The following FBXO10 variants were observed in gnomAD, a reference collection of about 807,000 sequenced individuals.
FBXO10 encodes the protein F-box only protein 10.
A neutral mutation model predicts 80.7 loss-of-function variants in FBXO10; 39 were observed. That is an observed-to-expected ratio of 0.48 (90% confidence interval 0.37 to 0.63). FBXO10 has a LOEUF of 0.63. Among genes scored for constraint, FBXO10 ranks in the 30% least tolerant of loss-of-function variants. The pLI is 0.00. For missense variants in FBXO10, 1,025 were observed against 1,269.0 expected (o/e 0.81, Z 2.92); for synonymous variants, 449 against 489.6 (o/e 0.92, Z 1.09).
At chr9:37,564,463 T>A (rs150040452) in intron 1 of FBXO10, among the ~76,000 whole-genome samples, 2,205 of 152,134 alleles carry the variant, frequency 0.014, 61 homozygotes, top group African/African-American at 0.05. Flanking sequence ...AGAGCTTGCA[T>A]CATGTGCCTG....
In FBXO10 at chr9:37,541,436, A is replaced by C. The variant is rs112964036; in HGVS notation, c.333T>G (p.Ser111Arg). The C allele has an allele frequency of 1.0e-3, 1,611 of 1,613,914 alleles. 12 individuals are homozygous for C. The highest frequency in any genetic ancestry group is 4.5e-3 in the South Asian group (408 of 91,078). The change falls in exon 2 of 11, where the codon AGT becomes AGG. Residue 111 changes from serine (S) to arginine (R), a missense_variant. Ser to Arg is a moderately radical substitution (Grantham distance 110). Around this residue, in one of 3 missense-constraint regions of FBXO10, gnomAD observed 450 missense variants for 499.4 expected, o/e 0.90. Transcript: ENST00000432825. The part of the protein sequence containing the change: ...FRRRRERRTL[S>R]VGPGREFDSL... ...TGTCAAACTCACGGCCTGGCCCAAC[A>C]CTCAGGGTACGTCGTTCCCTCCTCC... is the stretch of plus-strand genomic sequence containing the variant.
intron 7 of FBXO10, 131 bp from the exon 8 acceptor site, chr9:37,521,969 C>T: frequency 1.0e-6 from 1 of 962,766 alleles, no homozygotes; most frequent in Non-Finnish European, 1.5e-6. Flanking sequence ...CTCGGACAAG[C>T]CACCTGATGG....
chr9:37,520,108 T>G (rs975890134), intron 8 of FBXO10, among the ~76,000 whole-genome samples: 1 of 150,498 alleles, frequency 6.6e-6, no homozygotes, highest in Non-Finnish European at 1.5e-5. Context: ...GTGTTAGGGT[T>G]ACAGGTGTGA....
intron 1 of FBXO10, among the ~76,000 whole-genome samples, chr9:37,568,751 G>A (rs532899135): frequency 7.9e-5 from 12 of 152,172 alleles, no homozygotes; most frequent in East Asian, 5.8e-4. Flanking sequence ...GTCTAAGGTC[G>A]GAGTTCATGT....
chr9:37,552,691 C>CAAAAAAAA (rs779389401), intron 1 of FBXO10, among the ~76,000 whole-genome samples: 2 of 95,308 alleles, frequency 2.1e-5, no homozygotes, highest in African/African-American at 3.9e-5. Context: ...GACTCCATAT[C>CAAAAAAAA]AAAAAAAAAA....
chr9:37,567,864 C>A (rs559055856), intron 1 of FBXO10, among the ~76,000 whole-genome samples: 4 of 152,274 alleles, frequency 2.6e-5, no homozygotes, highest in Non-Finnish European at 5.9e-5. Context: ...CCCTCTTCTG[C>A]GTCCTCAGGG....
chr9:37,570,871 G>A (rs755516631), intron 1 of FBXO10, among the ~76,000 whole-genome samples: 5 of 151,980 alleles, frequency 3.3e-5, no homozygotes, highest in Non-Finnish European at 1.5e-5. Context: ...GCACGTGCCT[G>A]TAGTCCCAGC....
chr9:37,554,433 G>A (rs533688522), intron 1 of FBXO10, among the ~76,000 whole-genome samples: 16 of 152,028 alleles, frequency 1.1e-4, no homozygotes, highest in African/African-American at 3.6e-4. Context: ...GGACTATTTC[G>A]TGCTATGGAT....
At chr9:37,556,436 C>T (rs1269213517) in intron 1 of FBXO10, among the ~76,000 whole-genome samples, 3 of 151,862 alleles carry the variant, frequency 2.0e-5, no homozygotes, top group African/African-American at 7.3e-5. Context: ...CCAACTGTCC[C>T]AGGACCATTT....
At chr9:37,526,514 A>G (rs1359464459) in intron 5 of FBXO10, among the ~76,000 whole-genome samples, 1 of 152,196 alleles carries the variant, frequency 6.6e-6, no homozygotes, top group Admixed American at 6.6e-5. Context: ...TAAAGCCCAG[A>G]CTTTTCAGCT....
At chr9:37,536,235 G>A (rs1214297618) in intron 3 of FBXO10, among the ~76,000 whole-genome samples, 4 of 152,212 alleles carry the variant, frequency 2.6e-5, no homozygotes, top group African/African-American at 9.7e-5. Context: ...CCAATAGCCA[G>A]TGAGAGAAGA....
intron 1 of FBXO10, among the ~76,000 whole-genome samples, chr9:37,555,966 T>C (rs1270079643): frequency 6.6e-6 from 1 of 152,260 alleles, no homozygotes; most frequent in Non-Finnish European, 1.5e-5. Flanking sequence ...TTTTGACTTT[T>C]ACATACTGTT....
intron 1 of FBXO10, among the ~76,000 whole-genome samples, chr9:37,547,119 GT>G (rs1822076763): frequency 6.6e-6 from 1 of 152,186 alleles, no homozygotes; most frequent in Non-Finnish European, 1.5e-5. Flanking sequence ...ACACAAGAAT[GT>G]TTACAGCAGC....
chr9:37,525,000 T>G, intron 6 of FBXO10, 102 bp downstream of exon 6: 1 of 977,322 alleles, frequency 1.0e-6, no homozygotes, highest in Admixed American at 2.4e-5. Context: ...AAAGAGGCCA[T>G]AGTCTGTGGG....
intron 8 of FBXO10, 46 bp from the exon 9 acceptor site, chr9:37,518,484 C>T: frequency 2.7e-6 from 4 of 1,483,354 alleles, no homozygotes; most frequent in Non-Finnish European, 3.6e-6. Flanking sequence ...CAGGGTCAGC[C>T]CTGACACCAC....
chr9:37,570,859 T>G (rs1188629281), intron 1 of FBXO10, among the ~76,000 whole-genome samples: 7 of 152,020 alleles, frequency 4.6e-5, no homozygotes, highest in Admixed American at 4.6e-4. Flanking sequence ...CTGGGCGTGG[T>G]GGCACGTGCC....
intron 3 of FBXO10, among the ~76,000 whole-genome samples, 192 bp from the exon 4 acceptor site, chr9:37,532,250 A>G (rs1363858631): frequency 6.8e-6 from 1 of 147,170 alleles, no homozygotes; most frequent in African/African-American, 2.5e-5. Flanking sequence ...TCCAGGCCCT[A>G]CCTGGCTTTG....
chr9:37,548,824 C>T (rs1822121445), intron 1 of FBXO10, among the ~76,000 whole-genome samples: 1 of 152,160 alleles, frequency 6.6e-6, no homozygotes, highest in African/African-American at 2.4e-5. Flanking sequence ...TCTCGGCTCA[C>T]TGCAACCTCT....
At chr9:37,540,053 G>C (rs1821871363) in intron 2 of FBXO10, among the ~76,000 whole-genome samples, 1 of 152,016 alleles carries the variant, frequency 6.6e-6, no homozygotes. Context: ...ATGTGGAGAG[G>C]AACCCATGAG....
Sources: gnomAD v4.1 joint callset for allele counts (sites outside exome capture counted in the v4.1 genomes callset) on GRCh38, gnomAD v4.1.1 for gene constraint, gnomAD v4.1.1 regional missense constraint, MANE v1.5 for transcripts, NCBI Gene and HGNC (gene_info 2026-07-23, HGNC 2026-07-21) for gene names.